EPHA6: variants seen among roughly 807,000 people sequenced by gnomAD.
The protein encoded by EPHA6 is EPH receptor A6.
Under a neutral mutation model 112.0 loss-of-function variants are expected in EPHA6, and 50 were observed. The ratio of observed to expected loss-of-function variants is 0.45; its 90% CI spans 0.36 to 0.56. The LOEUF (loss-of-function observed/expected upper bound fraction) is 0.56. Among genes scored for constraint, EPHA6 ranks in the 20% least tolerant of loss-of-function variants. EPHA6 has a pLI of 0.00. For synonymous variants in EPHA6, 529 were observed against 490.7 expected, an observed-to-expected ratio of 1.08 and a Z score of -1.03; for missense variants, 1,280 against 1,417.4, an observed-to-expected ratio of 0.90 and a Z score of 1.56.
At chr3:97,369,930 G>A (rs1319948503) in intron 5 of EPHA6, among the ~76,000 whole-genome samples, 1 of 152,058 alleles carries the variant, frequency 6.6e-6, no homozygotes, top group Non-Finnish European at 1.5e-5. Flanking sequence ...CCATAAAGAT[G>A]GTAGCTTTTA....
chr3:96,924,937 T>C (rs1224525107), intron 2 of EPHA6, among the ~76,000 whole-genome samples: 1 of 152,138 alleles, frequency 6.6e-6, no homozygotes, highest in Non-Finnish European at 1.5e-5. Context: ...ATGCAACATA[T>C]GCAAATCACC....
chr3:97,375,134 C>T (rs1343816270), intron 5 of EPHA6, among the ~76,000 whole-genome samples: 4 of 152,134 alleles, frequency 2.6e-5, no homozygotes, highest in Admixed American at 2.6e-4. Flanking sequence ...ACAAAACCTG[C>T]CAGCTCATGA....
intron 5 of EPHA6, among the ~76,000 whole-genome samples, chr3:97,403,725 C>T (rs2087145166): frequency 6.6e-6 from 1 of 152,186 alleles, no homozygotes; most frequent in African/African-American, 2.4e-5. Context: ...GGATTACAGG[C>T]GTGAGCCACC....
At position 97,510,049 on chromosome 3, in the gene EPHA6, G is replaced by A. The variant is rs112125568; in HGVS notation, c.2201-22309G>A. ...TTTTCAGCTCCATCAGGTCATTTAT[G>A]TTCTTCTCTAAACTGATTATTCTAG... On this transcript the variant is annotated intron_variant, in intron 10 of 17. Coordinates refer to ENST00000389672, the MANE Select transcript of EPHA6 (RefSeq NM_001080448.3). Among the ~76,000 whole-genome samples the A allele has an allele frequency of 5.0e-3, 758 of 152,234 alleles. 6 individuals are homozygous for A. The highest frequency in any genetic ancestry group is 0.017 in the African/African-American group (724 of 41,540).
rs77157379 is a variant in EPHA6 at position 97,285,036 on chromosome 3, G to C, written c.1606+40749G>C. Among the ~76,000 whole-genome samples the C allele has an allele frequency of 4.5e-3, 685 of 152,112 alleles. 11 individuals carry two copies. The highest frequency in any genetic ancestry group is 0.015 in the African/African-American group (610 of 41,528). On this transcript the variant is annotated intron_variant, in intron 5 of 17. Coordinates refer to ENST00000389672, the MANE Select transcript of EPHA6 (RefSeq NM_001080448.3). ...TTGACTATACGTGTGTCAAAAACTT[G>C]TTCAGCCTCTGGAATACCGCCATCT...
At chr3:97,023,004 G>A (rs969779244) in intron 3 of EPHA6, among the ~76,000 whole-genome samples, 1 of 152,072 alleles carries the variant, frequency 6.6e-6, no homozygotes, top group Non-Finnish European at 1.5e-5. Context: ...CCTTATCTTA[G>A]CACCTCCATC....
chr3:97,193,696 G>A (rs962817872), intron 3 of EPHA6, among the ~76,000 whole-genome samples: 6 of 151,992 alleles, frequency 3.9e-5, no homozygotes, highest in Admixed American at 1.3e-4. Flanking sequence ...GTGACAGTGG[G>A]CATCCTTGTC....
chr3:97,305,747 A>C (rs1460657879), intron 5 of EPHA6, among the ~76,000 whole-genome samples: 1 of 151,882 alleles, frequency 6.6e-6, no homozygotes, highest in Admixed American at 6.6e-5. Flanking sequence ...GCATTAAAAT[A>C]AATAGCTAAT....
chr3:97,730,939 G>A (rs78663717), intron 15 of EPHA6, among the ~76,000 whole-genome samples: 12 of 152,212 alleles, frequency 7.9e-5, no homozygotes, highest in African/African-American at 2.6e-4. Flanking sequence ...CACAGCAAAG[G>A]TGAGGACTGA....
chr3:97,716,384 A>C (rs1014843645), intron 14 of EPHA6, among the ~76,000 whole-genome samples: 1 of 127,366 alleles, frequency 7.9e-6, no homozygotes, highest in Non-Finnish European at 1.5e-5. Context: ...CTGGCTAACA[A>C]GGTGAAACCC....
chr3:97,741,394 T>G (rs1906067), intron 16 of EPHA6, among the ~76,000 whole-genome samples: 149,339 of 152,130 alleles, frequency 0.98, 73,322 homozygotes, highest in East Asian at 0.99. Context: ...CCCATAAACT[T>G]CTGGCACAAG....
intron 14 of EPHA6, among the ~76,000 whole-genome samples, chr3:97,651,837 C>A (rs1332641500): frequency 6.6e-6 from 1 of 151,872 alleles, no homozygotes; most frequent in Non-Finnish European, 1.5e-5. Context: ...AACATGCTGA[C>A]TTTATTTTTT....
intron 3 of EPHA6, among the ~76,000 whole-genome samples, chr3:97,083,473 C>T (rs574178531): frequency 6.6e-6 from 1 of 152,098 alleles, no homozygotes; most frequent in Non-Finnish European, 1.5e-5. Flanking sequence ...TCATTGTTTA[C>T]ACCACTTCTG....
intron 14 of EPHA6, among the ~76,000 whole-genome samples, chr3:97,674,282 G>A (rs189052250): frequency 1.5e-3 from 222 of 152,200 alleles, no homozygotes; most frequent in Non-Finnish European, 2.2e-3. Flanking sequence ...GGCTACATTG[G>A]TTACACCTGC....
chr3:97,488,701 T>C (rs753777277), intron 10 of EPHA6, among the ~76,000 whole-genome samples: 1 of 152,224 alleles, frequency 6.6e-6, no homozygotes, highest in African/African-American at 2.4e-5. Context: ...TGGCTCATTT[T>C]CTCTATATTT....
Position 97,419,619 on chromosome 3 carries a change from CCT to C in EPHA6, c.1731+14349_1731+14350del, listed in dbSNP as rs1291936089. Reference sequence around the variant, plus strand: ...CAGCCTGTGTGACAGAATGAGACTCCCTCTCACACACACACACACACACAAGA... The same window carrying C: ...CAGCCTGTGTGACAGAATGAGACTCCCTCACACACACACACACACACAAGA... On this transcript the variant is annotated intron_variant, in intron 6 of 17. Transcript: ENST00000389672. 5.0e-5 allele frequency among the ~76,000 whole-genome samples: 7 copies of C among 140,472 alleles called. No homozygotes were observed. In the South Asian group the frequency reaches 1.3e-3, roughly 25 times the overall value. 92.2% of individuals were successfully genotyped at this position (140,472 alleles called of 152,430 possible). A position where few individuals can be genotyped will look rare whatever the true frequency, so the allele number is the denominator to read the frequency against.
In EPHA6 at chr3:97,274,620, T is replaced by C. The variant is rs141654587; in HGVS notation, c.1606+30333T>C. On this transcript the variant is annotated intron_variant, in intron 5 of 17. Transcript: ENST00000389672. ...GCAACTAGTTCAGCTTGTTGAGAGG[T>C]AGTGGAGGGGGGCAGAGTGGTAGCC... Among the ~76,000 whole-genome samples the C allele has an allele frequency of 3.8e-3, 572 of 151,932 alleles. 1 individual carries two copies. Among genetic ancestry groups the C allele is most frequent in the African/African-American group, 0.013 (534 of 41,362 alleles).
intron 14 of EPHA6, among the ~76,000 whole-genome samples, chr3:97,695,341 G>T (rs1291002691): frequency 6.6e-6 from 1 of 152,134 alleles, no homozygotes; most frequent in Non-Finnish European, 1.5e-5. Context: ...ATGAGGTGAG[G>T]TTGTAAAAGC....
chr3:97,695,578 G>A (rs1446279587), intron 14 of EPHA6, among the ~76,000 whole-genome samples: 1 of 152,124 alleles, frequency 6.6e-6, no homozygotes, highest in Non-Finnish European at 1.5e-5. Flanking sequence ...GTCTCGCTCT[G>A]TCACCAGGCC....
Sources: gnomAD v4.1 joint callset for allele counts (sites outside exome capture counted in the v4.1 genomes callset) on GRCh38, gnomAD v4.1.1 for gene constraint, MANE v1.5 for transcripts, NCBI Gene and HGNC (gene_info 2026-07-23, HGNC 2026-07-21) for gene names.